PARPBP: variants seen among roughly 807,000 people sequenced by gnomAD.
PARPBP encodes the protein PCNA-interacting partner.
Under a neutral mutation model 50.0 loss-of-function variants are expected in PARPBP, and 52 were observed. That is an observed-to-expected ratio of 1.04 (90% CI 0.83 to 1.31). PARPBP has a LOEUF of 1.31. Among genes scored for constraint, PARPBP ranks in the 50% most tolerant of loss-of-function variants. The pLI, the probability that PARPBP is intolerant of heterozygous loss-of-function variation, is 0.00. For synonymous variants in PARPBP, 244 were observed against 232.1 expected (o/e 1.05, Z -0.47); for missense variants, 697 against 672.0 (o/e 1.04, Z -0.41).
Position 102,143,017 on chromosome 12 carries a change from G to C in PARPBP, c.154-5213G>C, listed in dbSNP as rs185304450. On this transcript the variant is annotated intron_variant, in intron 2 of 10. Transcript: ENST00000327680. ...TGGGAGAACCACTACTCTCTTCAAA[G>C]CTGCCAGACAGGATGTTTAAGTCTG... Among the ~76,000 whole-genome samples the C allele has an allele frequency of 1.1e-4, 17 of 152,316 alleles. No homozygotes were observed. The East Asian group carries it at 2.5e-3, about 22-fold the overall frequency.
chr12:102,145,024 A>C (rs1050815571), intron 2 of PARPBP, among the ~76,000 whole-genome samples: 2 of 152,190 alleles, frequency 1.3e-5, no homozygotes, highest in African/African-American at 4.8e-5. Context: ...TAATTTTTTT[A>C]GTTGTGTTTG....
In PARPBP at chr12:102,150,830, TTCCC is replaced by T. The variant is rs1886090661; in HGVS notation, c.387+2369_387+2372del. On this transcript the variant is annotated intron_variant, in intron 3 of 10. Coordinates refer to ENST00000327680, the MANE Select transcript of PARPBP (RefSeq NM_017915.5). Reference sequence around the variant, plus strand: ...AATGACCTCTGTAGGTACGCTCATATTCCCTGACCCTCAAGCCAAGAAGTAGCTG... The same window carrying T: ...AATGACCTCTGTAGGTACGCTCATATTGACCCTCAAGCCAAGAAGTAGCTG... Among the ~76,000 whole-genome samples, 10 of 152,194 alleles carry T rather than the reference TTCCC, an allele frequency of 6.6e-5. 2 individuals carry two copies. The South Asian group carries it at 2.1e-3, about 31-fold the overall frequency.
At chr12:102,138,288 G>C (rs11111176) in intron 2 of PARPBP, among the ~76,000 whole-genome samples, 28,193 of 152,104 alleles carry the variant, frequency 0.19, 2,659 homozygotes, top group Non-Finnish European at 0.21. Flanking sequence ...TGTCTTTTGG[G>C]TGCATAAATA....
chr12:102,120,558 G>A, intron 1 of PARPBP: 2 of 453,694 alleles, frequency 4.4e-6, no homozygotes, highest in Non-Finnish European at 8.9e-6. Context: ...ACTTCCATTA[G>A]TTAGGCAGGA....
chr12:102,166,025 T>A, intron 6 of PARPBP, 142 bp downstream of exon 6: 1 of 587,810 alleles, frequency 1.7e-6, no homozygotes, highest in Non-Finnish European at 3.0e-6. Context: ...ATGAATAAAT[T>A]ATAATCACAT....
In PARPBP at chr12:102,195,990, C is replaced by A; in HGVS notation, c.1439C>A (p.Thr480Lys). Residue 480 changes from threonine (T) to lysine (K), a missense_variant, in exon 11 of 11, where the codon ACG becomes AAG. Thr to Lys is a moderately conservative substitution (Grantham distance 78, BLOSUM62 -1). Transcript: ENST00000327680. ...NPSVGRSTIG[T>K]SFGNVHLDRS... is the part of the protein sequence containing the mutation. ...TCTGTTGGAAGATCAACAATTGGAACGAGTTTTGGAAATGTTCATCTGGAC... is the reference window on the plus strand; with the variant it reads ...TCTGTTGGAAGATCAACAATTGGAAAGAGTTTTGGAAATGTTCATCTGGAC... The A allele has an allele frequency of 6.2e-7, 1 of 1,605,870 alleles. No homozygotes were observed.
chr12:102,173,686 T>C (rs1032129679), intron 6 of PARPBP, among the ~76,000 whole-genome samples: 1 of 151,984 alleles, frequency 6.6e-6, no homozygotes, highest in Admixed American at 6.6e-5. Context: ...AGGTTCAAAC[T>C]GAATGTGAAA....
At chr12:102,193,120 G>T (rs1890951853) in intron 9 of PARPBP, among the ~76,000 whole-genome samples, 1 of 151,806 alleles carries the variant, frequency 6.6e-6, no homozygotes, top group African/African-American at 2.4e-5. Flanking sequence ...GAGGAGTTTA[G>T]AATTTGTCTG....
chr12:102,153,791 C>T (rs1472660590), intron 3 of PARPBP, 78 bp from the exon 4 acceptor site: 1 of 748,730 alleles, frequency 1.3e-6, no homozygotes, highest in Non-Finnish European at 2.4e-6. Context: ...ACATCAATGA[C>T]ACTGAGTAGA....
At chr12:102,183,767 T>G (rs1480216380) in intron 9 of PARPBP, among the ~76,000 whole-genome samples, 2 of 152,012 alleles carry the variant, frequency 1.3e-5, no homozygotes, top group African/African-American at 4.8e-5. Flanking sequence ...TTTCTCTGTC[T>G]CCATTTCAAA....
rs1891401856 is a variant in PARPBP at position 102,197,331 on chromosome 12, T to C, written c.*1040T>C. ...CAAATTTATAGGAGAAAAAACACTT[T>C]CAGATAAGAGGTGTTTGCTGGGATG... On this transcript the variant is annotated 3_prime_UTR_variant, in exon 11 of 11. Coordinates refer to ENST00000327680, the MANE Select transcript of PARPBP (RefSeq NM_017915.5). 2 of 822,096 alleles carry C rather than the reference T, an allele frequency of 2.4e-6. No homozygotes were observed. Among genetic ancestry groups the C allele is most frequent in the Non-Finnish European group, 3.7e-6 (2 of 536,288 alleles). 50.9% of individuals were successfully genotyped at this position (822,096 alleles called of 1,614,324 possible). A position where few individuals can be genotyped will look rare whatever the true frequency, so the allele number is the denominator to read the frequency against.
intron 9 of PARPBP, among the ~76,000 whole-genome samples, chr12:102,191,629 T>TC (rs1890801670): frequency 6.6e-6 from 1 of 152,170 alleles, no homozygotes; most frequent in African/African-American, 2.4e-5. Context: ...AGTCAGGCTT[T>TC]CCTATGTGAA....
At chr12:102,174,689 G>A (rs183002172) in intron 6 of PARPBP, among the ~76,000 whole-genome samples, 52 of 152,126 alleles carry the variant, frequency 3.4e-4, no homozygotes, top group African/African-American at 1.0e-3. Context: ...CTCTTCTATT[G>A]GACACACCTC....
In PARPBP at chr12:102,165,758, G is replaced by A. The variant is rs1888075657; in HGVS notation, c.696G>A (p.Glu232=). The A allele has an allele frequency of 1.2e-6, 2 of 1,609,830 alleles. No homozygotes were observed. Among genetic ancestry groups the A allele is most frequent in the Non-Finnish European group, 1.7e-6 (2 of 1,177,596 alleles). Reference sequence around the variant, plus strand: ...CCACGTCTTTTATTAGAACAATAGAGCTTGGAGGGAAAGGATATGCACCAC... The same window carrying A: ...CCACGTCTTTTATTAGAACAATAGAACTTGGAGGGAAAGGATATGCACCAC... The part of the protein sequence containing the change: ...LVATSFIRTI[E]LGGKGYAPPP... Residue 232 remains glutamate (E), a synonymous_variant, in exon 6 of 11, where the codon GAG becomes GAA. Coordinates refer to ENST00000327680, the MANE Select transcript of PARPBP (RefSeq NM_017915.5).
At chr12:102,123,787 A>C in intron 1 of PARPBP, 99 bp from the exon 2 acceptor site, 3 of 654,376 alleles carry the variant, frequency 4.6e-6, no homozygotes, top group Non-Finnish European at 5.0e-6. Context: ...CCTCTCATTC[A>C]CTATATGTTT....
At chr12:102,148,848 C>T (rs765357122) in intron 3 of PARPBP, 4 of 164,700 alleles carry the variant, frequency 2.4e-5, no homozygotes, top group African/African-American at 4.8e-5. Context: ...GTGACTTTTT[C>T]TATGGATTAA....
intron 4 of PARPBP, among the ~76,000 whole-genome samples, chr12:102,163,303 A>T (rs138797026): frequency 6.6e-6 from 1 of 152,266 alleles, no homozygotes; most frequent in Non-Finnish European, 1.5e-5. Context: ...TTCCAATATC[A>T]TCTGGCCTAC....
intron 3 of PARPBP, chr12:102,150,331 A>G: frequency 2.2e-6 from 1 of 451,486 alleles, no homozygotes. Context: ...TCAAAAATGC[A>G]CTAAGTATAA....
At chr12:102,126,261 AG>A (rs1315994302) in intron 2 of PARPBP, among the ~76,000 whole-genome samples, 1 of 152,172 alleles carries the variant, frequency 6.6e-6, no homozygotes, top group African/African-American at 2.4e-5. Context: ...CTAGAGTGCC[AG>A]GGAGTAGTAG....
Sources: allele counts gnomAD v4.1 joint callset (sites outside exome capture counted in the v4.1 genomes callset), GRCh38; gene constraint gnomAD v4.1.1; transcripts MANE v1.5; gene names NCBI Gene and HGNC (gene_info 2026-07-23, HGNC 2026-07-21).